The following SENP7 variants were observed in gnomAD, a reference collection of about 807,000 sequenced individuals.
SENP7 encodes sentrin-specific protease 7.
SENP7 carries 64 observed loss-of-function variants against 141.2 expected under a neutral mutation model. The observed-to-expected ratio is 0.45, with a 90% CI of 0.37 to 0.56. The LOEUF (loss-of-function observed/expected upper bound fraction) is 0.56, where lower values mean the gene tolerates loss of function less well. SENP7 is among the 20% of genes least tolerant of loss of function. The probability of loss-of-function intolerance (pLI) is 0.00; values close to 1 mark genes in which losing one functional copy is unlikely to be tolerated. For missense variants in SENP7, 1,025 were observed against 1,212.2 expected, an observed-to-expected ratio of 0.85 and a Z score of 2.29; for synonymous variants, 382 against 426.4, an observed-to-expected ratio of 0.90 and a Z score of 1.28.
rs2059616193 is a variant in SENP7 at position 101,351,633 on chromosome 3, T to C, written c.1642A>G (p.Lys548Glu). ...GCVTITKKYI[K>E]IPFQVSLNEI... ...GATAACTTACCTTGAAATGGGATCTTAATATATTTTTTTGTGATCTGAAGA... is the reference window on the plus strand; with the variant it reads ...GATAACTTACCTTGAAATGGGATCTCAATATATTTTTTTGTGATCTGAAGA... The change falls in exon 12 of 24, where the codon AAG becomes GAG. Residue 548 changes from lysine (K) to glutamate (E), a missense_variant. Coordinates refer to ENST00000394095, the MANE Select transcript of SENP7 (RefSeq NM_020654.5). 3.0e-6 allele frequency: 4 copies of C among 1,353,098 alleles called. No individual in the cohort carries two copies. In the Admixed American group the frequency reaches 8.6e-5, roughly 29 times the overall value. 83.8% of individuals were successfully genotyped at this position (1,353,098 alleles called of 1,614,324 possible).
intron 11 of SENP7, among the ~76,000 whole-genome samples, chr3:101,355,226 C>T (rs1447489608): frequency 6.6e-6 from 1 of 152,048 alleles, no homozygotes; most frequent in African/African-American, 2.4e-5. Flanking sequence ...TTAACTAGAT[C>T]CATTTGTCAA....
chr3:101,465,826 G>C (rs2107930234), intron 3 of SENP7, among the ~76,000 whole-genome samples: 1 of 151,472 alleles, frequency 6.6e-6, no homozygotes, highest in African/African-American at 2.4e-5. Context: ...TGGAATGCTG[G>C]AAAAAAAATC....
At chr3:101,366,820 TA>T in intron 8 of SENP7, 51 bp from the exon 9 acceptor site, 1 of 1,222,220 alleles carries the variant, frequency 8.2e-7, no homozygotes, top group Non-Finnish European at 1.1e-6. Flanking sequence ...TTGGCTTGCT[TA>T]AACCATTTTT....
chr3:101,329,872 T>C (rs1344273723), intron 20 of SENP7, among the ~76,000 whole-genome samples: 1 of 150,860 alleles, frequency 6.6e-6, no homozygotes, highest in East Asian at 1.9e-4. Context: ...GGAGAATCGC[T>C]TGAATCCAGG....
chr3:101,416,980 G>C (rs979203482), intron 5 of SENP7, among the ~76,000 whole-genome samples: 1 of 152,040 alleles, frequency 6.6e-6, no homozygotes, highest in Non-Finnish European at 1.5e-5. Context: ...GATTCCTAGA[G>C]CTAATTCCTA....
chr3:101,404,004 T>C (rs1360803923), intron 5 of SENP7, among the ~76,000 whole-genome samples: 1 of 152,070 alleles, frequency 6.6e-6, no homozygotes, highest in Non-Finnish European at 1.5e-5. Flanking sequence ...CCAAAGCAAT[T>C]TACAGATTCA....
intron 4 of SENP7, among the ~76,000 whole-genome samples, chr3:101,441,491 C>A (rs1008424710): frequency 3.3e-5 from 5 of 152,168 alleles, no homozygotes; most frequent in Non-Finnish European, 5.9e-5. Context: ...ACCACCACAG[C>A]CCATACACAC....
chr3:101,328,860 A>C (rs995208534), intron 20 of SENP7, among the ~76,000 whole-genome samples, 171 bp from the exon 21 acceptor site: 1 of 152,184 alleles, frequency 6.6e-6, no homozygotes, highest in Admixed American at 6.5e-5. Flanking sequence ...ATACTGCTAA[A>C]ACAGTAGGCT....
At chr3:101,360,376 G>T (rs1449890643) in intron 11 of SENP7, among the ~76,000 whole-genome samples, 4 of 152,062 alleles carry the variant, frequency 2.6e-5, no homozygotes, top group Non-Finnish European at 4.4e-5. Context: ...GACATTGATA[G>T]ATATCCATTG....
chr3:101,480,602 A>C (rs1391689256), intron 3 of SENP7, among the ~76,000 whole-genome samples: 1 of 152,182 alleles, frequency 6.6e-6, no homozygotes, highest in Non-Finnish European at 1.5e-5. Flanking sequence ...CGGTCTAGGC[A>C]AAGATTTTAT....
chr3:101,512,996 C>A (rs1236141644), intron 1 of SENP7, 95 bp downstream of exon 1: 22 of 1,417,946 alleles, frequency 1.6e-5, no homozygotes, highest in Non-Finnish European at 2.2e-5. Context: ...CCCTCGCCCC[C>A]GCGGCTTCGG....
intron 3 of SENP7, among the ~76,000 whole-genome samples, chr3:101,483,330 C>G (rs1559893988): frequency 1.3e-5 from 2 of 152,166 alleles, no homozygotes; most frequent in Non-Finnish European, 2.9e-5. Context: ...AATGCAGGAA[C>G]AGAAAACAAA....
chr3:101,387,975 C>T (rs920494594), intron 6 of SENP7, among the ~76,000 whole-genome samples: 1 of 119,952 alleles, frequency 8.3e-6, no homozygotes, highest in African/African-American at 2.8e-5. Flanking sequence ...ATAGGCCCAC[C>T]CAGCCTGCTG....
intron 3 of SENP7, among the ~76,000 whole-genome samples, chr3:101,491,613 T>C (rs974546620): frequency 6.6e-6 from 1 of 152,194 alleles, no homozygotes; most frequent in Admixed American, 6.5e-5. Flanking sequence ...AATATATTAT[T>C]TTCTTTTTAA....
At chr3:101,352,075 T>G (rs1264750102) in intron 11 of SENP7, among the ~76,000 whole-genome samples, 1 of 151,958 alleles carries the variant, frequency 6.6e-6, no homozygotes, top group Non-Finnish European at 1.5e-5. Flanking sequence ...GAACTCACAC[T>G]AACCAAACTC....
Position 101,347,994 on chromosome 3 carries a change from A to G in SENP7, c.1715T>C (p.Leu572Ser). The G allele has an allele frequency of 6.2e-7, 1 of 1,611,912 alleles. No homozygotes were observed. The highest frequency in any genetic ancestry group is 8.5e-7 in the Non-Finnish European group (1 of 1,178,808). Reference sequence around the variant, plus strand: ...GTGATTATCATCCTTACTTTTCCATAACCCAAACCGCTTTAAATGTGTGGT... The same window carrying G: ...GTGATTATCATCCTTACTTTTCCATGACCCAAACCGCTTTAAATGTGTGGT... Reference protein sequence around the residue: ...VDTTHLKRFGLWKSKDDNHSK... With the variant: ...VDTTHLKRFGSWKSKDDNHSK... Residue 572 changes from leucine to serine, a missense_variant, in exon 13 of 24, where the codon TTA becomes TCA. This residue lies in a region of SENP7 where 228 missense variants were observed against 228.5 expected (regional missense o/e 1.00). Coordinates refer to ENST00000394095, the MANE Select transcript of SENP7 (RefSeq NM_020654.5).
At chr3:101,394,282 T>C (rs997284417) in intron 6 of SENP7, among the ~76,000 whole-genome samples, 7 of 152,194 alleles carry the variant, frequency 4.6e-5, no homozygotes, top group African/African-American at 1.7e-4. Flanking sequence ...CAGGATTTCA[T>C]TCTTTTTTAT....
intron 4 of SENP7, among the ~76,000 whole-genome samples, chr3:101,428,568 T>C (rs768768803): frequency 1.3e-5 from 2 of 152,216 alleles, no homozygotes; most frequent in African/African-American, 4.8e-5. Flanking sequence ...TGTAAATTTG[T>C]TTAAATTCTT....
At chr3:101,357,756 A>G in intron 11 of SENP7, 1 of 643,224 alleles carries the variant, frequency 1.6e-6, no homozygotes, top group Non-Finnish European at 2.9e-6. Flanking sequence ...TGGAAAAAAA[A>G]CTTTTAAATG....
Sources: gnomAD v4.1 joint callset for allele counts (sites outside exome capture counted in the v4.1 genomes callset) on GRCh38, gnomAD v4.1.1 for gene constraint, gnomAD v4.1.1 regional missense constraint, MANE v1.5 for transcripts, NCBI Gene and HGNC (gene_info 2026-07-23, HGNC 2026-07-21) for gene names.